TBC1D32: variants seen among roughly 807,000 people sequenced by gnomAD.
TBC1D32 encodes the protein protein broad-minded.
TBC1D32 carries 151 observed loss-of-function variants against 170.3 expected under a neutral mutation model. That is an observed-to-expected ratio of 0.89 (90% CI 0.78 to 1.01). The LOEUF is 1.01. Among genes scored for constraint, TBC1D32 ranks in the 50% least tolerant of loss-of-function variants. TBC1D32 has a pLI of 0.00. For missense variants in TBC1D32, 1,464 were observed against 1,457.1 expected (o/e 1.00, Z -0.08); for synonymous variants, 498 against 488.0 (o/e 1.02, Z -0.27).
In TBC1D32 at chr6:121,106,252, C is replaced by T. The variant is rs77368066; in HGVS notation, c.3325-89G>A. 5.3e-3 allele frequency: 4,359 copies of T among 824,800 alleles called. 76 individuals carry two copies. The highest frequency in any genetic ancestry group is 0.049 in the African/African-American group (2,737 of 55,318). 51.1% of individuals were successfully genotyped at this position (824,800 alleles called of 1,614,324 possible). ...AAAATAATCCAACATACCTATTTTC[C>T]TTTTGCTGTAAATTGCTGCTTCAAA... is the stretch of plus-strand genomic sequence containing the variant. On this transcript the variant is annotated intron_variant, in intron 29 of 31. Coordinates refer to ENST00000398212, the MANE Select transcript of TBC1D32 (RefSeq NM_152730.6).
intron 21 of TBC1D32, among the ~76,000 whole-genome samples, chr6:121,212,579 T>C (rs562027915): frequency 4.0e-5 from 6 of 151,424 alleles, no homozygotes; most frequent in Non-Finnish European, 8.8e-5. Flanking sequence ...CTCAGCATCC[T>C]GGGTAGCTGG....
At chr6:121,326,866 T>C (rs572890834) in intron 1 of TBC1D32, among the ~76,000 whole-genome samples, 238 of 152,294 alleles carry the variant, frequency 1.6e-3, no homozygotes, top group Non-Finnish European at 2.5e-3. Context: ...TCAGGGACCA[T>C]TGAGAAACTT....
intron 15 of TBC1D32, among the ~76,000 whole-genome samples, chr6:121,266,131 C>T (rs1406620761): frequency 6.6e-6 from 1 of 152,124 alleles, no homozygotes; most frequent in Non-Finnish European, 1.5e-5. Flanking sequence ...TCAGCATGAA[C>T]AGGCAACCTG....
intron 10 of TBC1D32, among the ~76,000 whole-genome samples, chr6:121,296,200 T>G (rs1207697828): frequency 6.6e-6 from 1 of 152,170 alleles, no homozygotes; most frequent in Non-Finnish European, 1.5e-5. Context: ...AAGCTTATAC[T>G]TTCATATCTT....
At chr6:121,334,642 G>A (rs536941838), upstream of TBC1D32, 7 of 601,826 alleles carry the variant, frequency 1.2e-5, no homozygotes, top group Non-Finnish European at 2.1e-5. Flanking sequence ...GGTCCGCGAG[G>A]TCTCGCCTCT....
chr6:121,140,860 C>G (rs2128225421), intron 24 of TBC1D32, among the ~76,000 whole-genome samples: 1 of 152,160 alleles, frequency 6.6e-6, no homozygotes, highest in East Asian at 1.9e-4. Context: ...TAACTGCAAA[C>G]TTTTGCATAC....
intron 17 of TBC1D32, among the ~76,000 whole-genome samples, chr6:121,249,936 T>C (rs1244125743): frequency 6.6e-6 from 1 of 151,596 alleles, no homozygotes; most frequent in Admixed American, 6.6e-5. Flanking sequence ...TCAATGCAAT[T>C]CCCATAAAAA....
At chr6:121,320,482 T>C (rs1285039966) in intron 2 of TBC1D32, among the ~76,000 whole-genome samples, 1 of 152,110 alleles carries the variant, frequency 6.6e-6, no homozygotes, top group Admixed American at 6.5e-5. Flanking sequence ...AATAAAGTAT[T>C]TTAGTATTCC....
chr6:121,154,039 C>CAA (rs71018115), intron 24 of TBC1D32, among the ~76,000 whole-genome samples: 7,726 of 129,556 alleles, frequency 0.06, 491 homozygotes, highest in Admixed American at 0.2. Flanking sequence ...CACTAGGGTA[C>CAA]AAAAAAAAAA....
At position 121,271,705 on chromosome 6, in the gene TBC1D32, T is replaced by C. The variant is rs938897453; in HGVS notation, c.1733+7416A>G. 2.0e-4 allele frequency among the ~76,000 whole-genome samples: 30 copies of C among 152,262 alleles called. 1 individual carries two copies. In the East Asian group the frequency reaches 5.8e-3, roughly 29 times the overall value. On this transcript the variant is annotated intron_variant, in intron 15 of 31. Coordinates refer to ENST00000398212, the MANE Select transcript of TBC1D32 (RefSeq NM_152730.6). ...CATACTGCCCAAGGTAATTTATATA[T>C]TCAATGCCATCCCCATCAAGCTACC... is the stretch of plus-strand genomic sequence containing the variant.
At chr6:121,169,486 T>C (rs992826290) in intron 22 of TBC1D32, among the ~76,000 whole-genome samples, 10 of 152,146 alleles carry the variant, frequency 6.6e-5, no homozygotes, top group Non-Finnish European at 2.9e-5. Context: ...CAGCAAAAAA[T>C]TGATGGAGAT....
At chr6:121,090,075 G>C (rs1411515593) in intron 31 of TBC1D32, among the ~76,000 whole-genome samples, 1 of 152,056 alleles carries the variant, frequency 6.6e-6, no homozygotes, top group Non-Finnish European at 1.5e-5. Context: ...TGGGACTACA[G>C]GCGCCCGCCA....
rs761514129 is a variant in TBC1D32 at position 121,223,302 on chromosome 6, A to C, written c.2415T>G (p.Leu805=). 6.3e-7 allele frequency: 1 copy of C among 1,599,772 alleles called. No homozygotes were observed. The highest frequency in any genetic ancestry group is 1.1e-5 in the South Asian group (1 of 87,732). Residue 805 remains leucine, a synonymous_variant, in exon 21 of 32, where the codon CTT becomes CTG. Coordinates refer to ENST00000398212, the MANE Select transcript of TBC1D32 (RefSeq NM_152730.6). The part of the protein sequence containing the change: ...NLLSYPAIYE[L]VRNQDLPNKT... ...TATTAGGAAGATCTTGATTCCTTAC[A>C]AGCTCATAAATAGCAGGATAGGATA...
chr6:121,268,523 T>C (rs925708256), intron 15 of TBC1D32, among the ~76,000 whole-genome samples: 1 of 151,994 alleles, frequency 6.6e-6, no homozygotes, highest in Non-Finnish European at 1.5e-5. Context: ...TGAATGAAGA[T>C]CAAATGCATG....
chr6:121,170,602 A>G (rs1018462132), intron 22 of TBC1D32: 2 of 1,092,598 alleles, frequency 1.8e-6, no homozygotes, highest in Non-Finnish European at 2.5e-6. Flanking sequence ...TTGATGTCTC[A>G]AAGTAATACC....
At chr6:121,139,722 A>C (rs1202393490) in intron 24 of TBC1D32, 10 of 152,146 alleles carry the variant, frequency 6.6e-5, no homozygotes, top group Non-Finnish European at 1.0e-4. Context: ...GTGATAAAAT[A>C]TGTAGGCATC....
chr6:121,179,762 C>T (rs926283524), intron 22 of TBC1D32, among the ~76,000 whole-genome samples: 1 of 152,134 alleles, frequency 6.6e-6, no homozygotes, highest in African/African-American at 2.4e-5. Flanking sequence ...TCTAATCTAA[C>T]AGACACTTAT....
intron 3 of TBC1D32, among the ~76,000 whole-genome samples, chr6:121,313,170 A>G (rs987838004): frequency 7.9e-6 from 1 of 126,632 alleles, no homozygotes; most frequent in Non-Finnish European, 1.6e-5. Flanking sequence ...GTGTGTGTGT[A>G]GAGACCTTGT....
At chr6:121,289,381 T>C (rs1417033163) in intron 12 of TBC1D32, among the ~76,000 whole-genome samples, 1 of 152,176 alleles carries the variant, frequency 6.6e-6, no homozygotes, top group Non-Finnish European at 1.5e-5. Flanking sequence ...AGCCAAATCA[T>C]GAGTGAACTC....
Sources: allele counts gnomAD v4.1 joint callset (sites outside exome capture counted in the v4.1 genomes callset), GRCh38; gene constraint gnomAD v4.1.1; transcripts MANE v1.5; gene names NCBI Gene and HGNC (gene_info 2026-07-23, HGNC 2026-07-21).